The following SOX13 variants were observed in gnomAD, a reference collection of about 807,000 sequenced individuals.
The protein encoded by SOX13 is SRY-box transcription factor 13.
A neutral mutation model predicts 71.8 loss-of-function variants in SOX13; 28 were observed. The ratio of observed to expected loss-of-function variants is 0.39; its 90% CI spans 0.29 to 0.53. SOX13 has a LOEUF of 0.53. SOX13 is among the 20% of genes least tolerant of loss of function. The probability of loss-of-function intolerance (pLI) is 0.70; values close to 1 mark genes in which losing one functional copy is unlikely to be tolerated. For synonymous variants in SOX13, 309 were observed against 317.8 expected (o/e 0.97, Z 0.29); for missense variants, 627 against 810.3 (o/e 0.77, Z 2.75).
At chr1:204,107,530 G>A (rs1370524112) in intron 1 of SOX13, among the ~76,000 whole-genome samples, 1 of 152,100 alleles carries the variant, frequency 6.6e-6, no homozygotes, top group Non-Finnish European at 1.5e-5. Flanking sequence ...TCTGGAGCCT[G>A]GTACTGATGC....
rs760935340 is a variant in SOX13, at chr1:204,122,972, C to T, written c.1134+9C>T. 3 of 1,563,490 alleles carry T rather than the reference C, an allele frequency of 1.9e-6. No individual in the cohort carries two copies. The highest frequency in any genetic ancestry group is 1.8e-5 in the Admixed American group (1 of 57,056). On this transcript the variant is annotated intron_variant, in intron 10 of 13. Transcript: ENST00000367204. Reference sequence around the variant, plus strand: ...ACACCCCCTTCCGTAAGGTATGGTCCCCCACTCCCTTGAGCCTAGGGGCAG... The same window carrying T: ...ACACCCCCTTCCGTAAGGTATGGTCTCCCACTCCCTTGAGCCTAGGGGCAG...
chr1:204,126,187 C>T lies in SOX13; in HGVS notation c.*53C>T, dbSNP rs1022784332. 3.8e-6 allele frequency: 6 copies of T among 1,573,970 alleles called. No homozygotes were observed. The African/African-American group carries it at 4.0e-5, about 11-fold the overall frequency. On this transcript the variant is annotated 3_prime_UTR_variant, in exon 14 of 14. Transcript: ENST00000367204. ...TCCTCTGGGGAAGACCTTGTCCCAACTCGATGGGCACAGCCAGCCAACCTA... is the reference window on the plus strand; with the variant it reads ...TCCTCTGGGGAAGACCTTGTCCCAATTCGATGGGCACAGCCAGCCAACCTA...
chr1:204,112,610 C>T (rs769210892), intron 1 of SOX13, among the ~76,000 whole-genome samples: 30 of 152,070 alleles, frequency 2.0e-4, no homozygotes, highest in Non-Finnish European at 3.4e-4. Flanking sequence ...GTTGGGCCGT[C>T]AGTCCACTAG....
chr1:204,111,690 C>T (rs891774976), intron 1 of SOX13, among the ~76,000 whole-genome samples: 6 of 152,026 alleles, frequency 3.9e-5, no homozygotes, highest in Admixed American at 3.9e-4. Context: ...TCATCTCAGT[C>T]TGTTATTCCC....
At chr1:204,121,074 G>T (rs1041688386) in intron 7 of SOX13, among the ~76,000 whole-genome samples, 2 of 151,876 alleles carry the variant, frequency 1.3e-5, no homozygotes, top group South Asian at 4.2e-4. Context: ...CCGCCTCCTG[G>T]GTTCAAGCGA....
chr1:204,079,237 G>A (rs1655847167), intron 1 of SOX13, among the ~76,000 whole-genome samples: 1 of 151,186 alleles, frequency 6.6e-6, no homozygotes, highest in African/African-American at 2.4e-5. Context: ...CCAAGATCGA[G>A]CCACTGCACT....
chr1:204,119,390 A>G (rs1656757303), intron 7 of SOX13: 1 of 152,174 alleles, frequency 6.6e-6, no homozygotes, highest in Non-Finnish European at 1.5e-5. Context: ...TTTCTGGTTC[A>G]CAGATGGCGT....
chr1:204,124,878 G>A, intron 13 of SOX13, 21 bp downstream of exon 13: 1 of 1,522,478 alleles, frequency 6.6e-7, no homozygotes, highest in Non-Finnish European at 8.9e-7. Flanking sequence ...CCCCCCGCAG[G>A]CAGCCAGGAG....
chr1:204,106,960 T>G (rs1392615327), intron 1 of SOX13, among the ~76,000 whole-genome samples: 1 of 152,224 alleles, frequency 6.6e-6, no homozygotes, highest in African/African-American at 2.4e-5. Flanking sequence ...GAGTTTCTTA[T>G]TCCTATTTTA....
chr1:204,123,587 GTC>G lies in SOX13; in HGVS notation c.1232-68_1232-67del, dbSNP rs1387533146. The G allele has an allele frequency of 2.6e-6, 4 of 1,515,168 alleles. No individual in the cohort carries two copies. Among genetic ancestry groups the G allele is most frequent in the East Asian group, 2.4e-5 (1 of 42,006 alleles). The allele number at this position is 1,515,168 out of a possible 1,614,324, so 93.9% of individuals were successfully genotyped here. A position where few individuals can be genotyped will look rare whatever the true frequency, so the allele number is the denominator to read the frequency against. ...GCCTCCTGCTGGTCAAGTAGGGGAC[GTC>G]TCTCTGCTGGCCCTGGGGCACTCTC... On this transcript the variant is annotated intron_variant, in intron 11 of 13. Coordinates refer to ENST00000367204, the MANE Select transcript of SOX13 (RefSeq NM_005686.3). This position sits in a 1 kb window ranked among gnomAD's most constrained non-coding sequence, Gnocchi z 5.0.
At chr1:204,122,481 T>A in intron 9 of SOX13, 82 bp downstream of exon 9, 2 of 1,140,618 alleles carry the variant, frequency 1.8e-6, no homozygotes, top group Non-Finnish European at 2.5e-6. Context: ...AGCAGGTCCC[T>A]TCTCCTCCCT....
In SOX13 at chr1:204,081,559, C is replaced by T. The variant is rs1168991900; in HGVS notation, c.-2+7848C>T. 1.3e-5 allele frequency among the ~76,000 whole-genome samples: 2 copies of T among 152,134 alleles called. No homozygotes were observed. The highest frequency in any genetic ancestry group is 2.9e-5 in the Non-Finnish European group (2 of 68,024). On this transcript the variant is annotated intron_variant, in intron 1 of 13. Coordinates refer to ENST00000367204, the MANE Select transcript of SOX13 (RefSeq NM_005686.3). This position sits in a 1 kb window ranked among gnomAD's most constrained non-coding sequence, Gnocchi z 4.3. Reference sequence around the variant, plus strand: ...GGGGGTTGGGGGGTTGCCTGGGACTCATGGGGCCTCCTGCTTTGGCCCTGG... The same window carrying T: ...GGGGGTTGGGGGGTTGCCTGGGACTTATGGGGCCTCCTGCTTTGGCCCTGG...
At chr1:204,124,899 C>CA (rs1656889643) in intron 13 of SOX13, 42 bp downstream of exon 13, 7 of 1,416,116 alleles carry the variant, frequency 4.9e-6, no homozygotes, top group Non-Finnish European at 6.8e-6. Context: ...ACTGTGTGTA[C>CA]ATGTGTAGCT....
chr1:204,112,777 C>T (rs188761792), intron 1 of SOX13, 138 bp from the exon 2 acceptor site: 1 of 614,164 alleles, frequency 1.6e-6, no homozygotes, highest in Non-Finnish European at 2.9e-6. Context: ...GTAAGCTTGC[C>T]CTTTCTGTGA....
rs1656923781 is a variant in SOX13 at position 204,126,382 on chromosome 1, T to C, written c.*248T>C. ...CTGAGCAGGCTGAGCACCTCAGCCT[T>C]TAGGGCTTATGGCCAGGGGACACTG... On this transcript the variant is annotated 3_prime_UTR_variant, in exon 14 of 14. Transcript: ENST00000367204. 1.8e-6 allele frequency: 1 copy of C among 557,152 alleles called. No homozygotes were observed. Among genetic ancestry groups the C allele is most frequent in the Non-Finnish European group, 3.2e-6 (1 of 309,846 alleles). The allele number at this position is 557,152 out of a possible 1,614,324, so 34.5% of individuals were successfully genotyped here. A position where few individuals can be genotyped will look rare whatever the true frequency, so the allele number is the denominator to read the frequency against.
chr1:204,112,861 G>A, intron 1 of SOX13, 54 bp from the exon 2 acceptor site: 3 of 1,490,196 alleles, frequency 2.0e-6, no homozygotes, highest in South Asian at 2.4e-5. Flanking sequence ...CACTGCCTCT[G>A]GGCAGAAGTT....
At chr1:204,074,570 C>A (rs1006722357) in intron 1 of SOX13, among the ~76,000 whole-genome samples, 2 of 152,198 alleles carry the variant, frequency 1.3e-5, no homozygotes, top group Admixed American at 6.5e-5. Flanking sequence ...GGCTGCTTCC[C>A]GTCCCCAGGC....
chr1:204,110,179 A>G (rs1656551310), intron 1 of SOX13, among the ~76,000 whole-genome samples: 1 of 150,802 alleles, frequency 6.6e-6, no homozygotes, highest in Non-Finnish European at 1.5e-5. Context: ...ACCTTGACAG[A>G]GTGGAGTGCA....
intron 2 of SOX13, among the ~76,000 whole-genome samples, chr1:204,113,864 T>A (rs1305366550): frequency 6.6e-6 from 1 of 152,096 alleles, no homozygotes; most frequent in Non-Finnish European, 1.5e-5. Context: ...TGCCAGCCCC[T>A]ACCTGCTCCC....
Sources: allele counts gnomAD v4.1 joint callset (sites outside exome capture counted in the v4.1 genomes callset), GRCh38; gene constraint gnomAD v4.1.1; non-coding constraint Gnocchi (gnomAD v3.1); transcripts MANE v1.5; gene names NCBI Gene and HGNC (gene_info 2026-07-23, HGNC 2026-07-21).